Variants in CD28 observed in about 807,000 individuals in gnomAD.
CD28 encodes the protein CD28 molecule.
A neutral mutation model predicts 21.4 loss-of-function variants in CD28; 8 were observed. The ratio of observed to expected loss-of-function variants is 0.37; its 90% CI spans 0.22 to 0.68. The LOEUF (loss-of-function observed/expected upper bound fraction) is 0.68. Ranked by LOEUF, CD28 falls within the 30% of genes least tolerant of loss-of-function variation. The pLI is 0.55. For missense variants in CD28, 239 were observed against 272.2 expected, an observed-to-expected ratio of 0.88 and a Z score of 0.86; for synonymous variants, 106 against 104.0, an observed-to-expected ratio of 1.02 and a Z score of -0.12.
intron 3 of CD28, among the ~76,000 whole-genome samples, chr2:203,730,945 A>G (rs79108423): frequency 6.6e-6 from 1 of 152,304 alleles, no homozygotes; most frequent in African/African-American, 2.4e-5. Flanking sequence ...ATGCCTTCCT[A>G]TTATCCAGTC....
At chr2:203,727,877 C>T (rs187519125) in intron 2 of CD28, among the ~76,000 whole-genome samples, 1 of 152,306 alleles carries the variant, frequency 6.6e-6, no homozygotes, top group Admixed American at 6.5e-5. Context: ...CAGGGTTTCA[C>T]CTTGTTAGCC....
Position 203,725,145 on chromosome 2 carries a change from C to T in CD28, c.53-1488C>T, listed in dbSNP as rs373038359. ...TCTCTACTAAAAATAGAAAATTAGCCGGGCATGGTGGTGCATACCTGTTAA... is the reference window on the plus strand; with the variant it reads ...TCTCTACTAAAAATAGAAAATTAGCTGGGCATGGTGGTGCATACCTGTTAA... On this transcript the variant is annotated intron_variant, in intron 1 of 3. Coordinates refer to ENST00000324106, the MANE Select transcript of CD28 (RefSeq NM_006139.4). 4.6e-5 allele frequency among the ~76,000 whole-genome samples: 7 copies of T among 152,054 alleles called. 1 individual carries two copies. The South Asian group carries it at 6.2e-4, about 14-fold the overall frequency.
Position 203,738,344 on chromosome 2 carries a change from T to C in CD28, c.*3432T>C, listed in dbSNP as rs887121881. On this transcript the variant is annotated 3_prime_UTR_variant, in exon 4 of 4. Transcript: ENST00000324106. Reference sequence around the variant, plus strand: ...AGACCTGGATACTGATCCCAAAGTGTTAAATTCAACTACATGCTGGAGATT... The same window carrying C: ...AGACCTGGATACTGATCCCAAAGTGCTAAATTCAACTACATGCTGGAGATT... 3 of 152,150 alleles carry C rather than the reference T, an allele frequency of 2.0e-5. No individual in the cohort carries two copies. The allele number at this position is 152,150 out of a possible 1,614,324, so 9.4% of individuals were successfully genotyped here.
At chr2:203,732,298 A>G (rs1289490943) in intron 3 of CD28, among the ~76,000 whole-genome samples, 3 of 152,128 alleles carry the variant, frequency 2.0e-5, no homozygotes, top group African/African-American at 7.2e-5. Context: ...TCTTGACCTG[A>G]TGTTGACATT....
At position 203,736,563 on chromosome 2, in the gene CD28, C is replaced by T. The variant is rs200796878; in HGVS notation, c.*1651C>T. 2 of 152,150 alleles carry T rather than the reference C, an allele frequency of 1.3e-5. No individual in the cohort carries two copies. The highest frequency in any genetic ancestry group is 2.1e-4 in the South Asian group (1 of 4,824). 9.4% of individuals were successfully genotyped at this position (152,150 alleles called of 1,614,324 possible). Reference sequence around the variant, plus strand: ...GGGTAAGGCCTGACCCTGAAATGACCATGGATATTTTTCTACCTACAGTTT... The same window carrying T: ...GGGTAAGGCCTGACCCTGAAATGACTATGGATATTTTTCTACCTACAGTTT... On this transcript the variant is annotated 3_prime_UTR_variant, in exon 4 of 4. Coordinates refer to ENST00000324106, the MANE Select transcript of CD28 (RefSeq NM_006139.4).
chr2:203,738,494 G>C lies in CD28; in HGVS notation c.*3582G>C, dbSNP rs1488231571. ...TGGGGTGAGGGAGTCTGTGTTATCTGCAAGGCCATTTGAGGCTCAGAAAGT... is the reference window on the plus strand; with the variant it reads ...TGGGGTGAGGGAGTCTGTGTTATCTCCAAGGCCATTTGAGGCTCAGAAAGT... On this transcript the variant is annotated 3_prime_UTR_variant, in exon 4 of 4. Coordinates refer to ENST00000324106, the MANE Select transcript of CD28 (RefSeq NM_006139.4). 7 of 152,156 alleles carry C rather than the reference G, an allele frequency of 4.6e-5. No individual in the cohort carries two copies. Among genetic ancestry groups the C allele is most frequent in the African/African-American group, 1.4e-4 (6 of 41,412 alleles). The allele number at this position is 152,156 out of a possible 1,614,324, so 9.4% of individuals were successfully genotyped here.
rs1031872351 is a variant in CD28, at chr2:203,736,723, T to C, written c.*1811T>C. On this transcript the variant is annotated 3_prime_UTR_variant, in exon 4 of 4. Coordinates refer to ENST00000324106, the MANE Select transcript of CD28 (RefSeq NM_006139.4). The stretch of plus-strand genomic sequence containing the variant: ...GCACGTAGACTTGGTTCAAGTCTCG[T>C]TAGTAGTTGAATAGCCTCAGGCAAG... The C allele has an allele frequency of 6.6e-6, 1 of 152,174 alleles. No homozygotes were observed. Among genetic ancestry groups the C allele is most frequent in the African/African-American group, 2.4e-5 (1 of 41,442 alleles). 9.4% of individuals were successfully genotyped at this position (152,174 alleles called of 1,614,324 possible).
chr2:203,733,390 G>A (rs1430647112), intron 3 of CD28, among the ~76,000 whole-genome samples: 5 of 151,972 alleles, frequency 3.3e-5, no homozygotes, highest in Admixed American at 2.6e-4. Flanking sequence ...CTGTATATAT[G>A]GTAGTGTCAT....
chr2:203,730,984 A>G (rs1693875564), intron 3 of CD28, among the ~76,000 whole-genome samples: 1 of 152,144 alleles, frequency 6.6e-6, no homozygotes, highest in African/African-American at 2.4e-5. Context: ...TTCTTGGCCT[A>G]TTGCCAAAGC....
chr2:203,707,007 T>C (rs558062758), intron 1 of CD28, among the ~76,000 whole-genome samples: 3 of 152,028 alleles, frequency 2.0e-5, no homozygotes, highest in African/African-American at 7.2e-5. Context: ...GAATTTATTA[T>C]TATTATTATT....
intron 1 of CD28, among the ~76,000 whole-genome samples, chr2:203,713,544 G>A (rs990397261): frequency 6.6e-6 from 1 of 152,088 alleles, no homozygotes; most frequent in African/African-American, 2.4e-5. Context: ...AAACATAAGA[G>A]GGAAAGGAGT....
intron 1 of CD28, among the ~76,000 whole-genome samples, chr2:203,726,059 A>G (rs1042424521): frequency 6.6e-6 from 1 of 152,068 alleles, no homozygotes. Context: ...AAAAATAGAA[A>G]AATTAGCTGG....
chr2:203,732,209 G>A (rs1050174531), intron 3 of CD28, among the ~76,000 whole-genome samples: 1 of 152,188 alleles, frequency 6.6e-6, no homozygotes, highest in African/African-American at 2.4e-5. Context: ...GGCCTGATAT[G>A]CTACTGTAGG....
intron 3 of CD28, among the ~76,000 whole-genome samples, chr2:203,731,517 G>C (rs1693888485): frequency 6.6e-6 from 1 of 152,148 alleles, no homozygotes; most frequent in South Asian, 2.1e-4. Context: ...TGCTGACCTA[G>C]GTCAAAGTAA....
chr2:203,708,863 C>T (rs1693232675), intron 1 of CD28, among the ~76,000 whole-genome samples: 1 of 152,062 alleles, frequency 6.6e-6, no homozygotes, highest in South Asian at 2.1e-4. Flanking sequence ...TGTGGTGGCT[C>T]ACGCCTGTAA....
Position 203,736,611 on chromosome 2 carries a change from G to A in CD28, c.*1699G>A, listed in dbSNP as rs923330998. On this transcript the variant is annotated 3_prime_UTR_variant, in exon 4 of 4. Coordinates refer to ENST00000324106, the MANE Select transcript of CD28 (RefSeq NM_006139.4). ...TTTGAGTCAACTAGAATATGCCTGG[G>A]GACCTTGAAGAATGGCCCTTCAGTG... 1 of 152,170 alleles carries A rather than the reference G, an allele frequency of 6.6e-6. No homozygotes were observed. The highest frequency in any genetic ancestry group is 1.5e-5 in the Non-Finnish European group (1 of 68,050). The allele number at this position is 152,170 out of a possible 1,614,324, so 9.4% of individuals were successfully genotyped here.
intron 1 of CD28, among the ~76,000 whole-genome samples, chr2:203,714,175 A>G (rs1286290781): frequency 6.6e-6 from 1 of 152,118 alleles, no homozygotes; most frequent in East Asian, 1.9e-4. Context: ...AAAACAAACA[A>G]ATCTCTCAGA....
chr2:203,721,790 C>T (rs947344962), intron 1 of CD28, among the ~76,000 whole-genome samples: 4 of 152,106 alleles, frequency 2.6e-5, no homozygotes, highest in Non-Finnish European at 5.9e-5. Flanking sequence ...TCATGAGCTG[C>T]CGTAGGACGG....
rs191427340 is a variant in CD28, at chr2:203,727,702, G to C, written c.409+713G>C. Among the ~76,000 whole-genome samples, 173 of 139,798 alleles carry C rather than the reference G, an allele frequency of 1.2e-3. 1 individual carries two copies. In the Middle Eastern group the frequency reaches 0.022, roughly 17 times the overall value. 91.7% of individuals were successfully genotyped at this position (139,798 alleles called of 152,430 possible). A position where few individuals can be genotyped will look rare whatever the true frequency, so the allele number is the denominator to read the frequency against. On this transcript the variant is annotated intron_variant, in intron 2 of 3. Transcript: ENST00000324106. ...AATTAATTAATTTTTTTTTTTGAGA[G>C]GGAGTCTTGCTCTGTCGCCCAGGCT...
Sources: gnomAD v4.1 joint callset for allele counts (sites outside exome capture counted in the v4.1 genomes callset) on GRCh38, gnomAD v4.1.1 for gene constraint, MANE v1.5 for transcripts, NCBI Gene and HGNC (gene_info 2026-07-23, HGNC 2026-07-21) for gene names.